Variants in AGO3 observed in about 807,000 individuals in gnomAD.
AGO3 encodes argonaute RISC catalytic component 3.
AGO3 carries 16 observed loss-of-function variants against 105.5 expected under a neutral mutation model. The observed-to-expected ratio is 0.15, with a 90% confidence interval of 0.10 to 0.23. The LOEUF is 0.23. Ranked by LOEUF, AGO3 falls within the 10% of genes least tolerant of loss-of-function variation. The pLI is 1.00. For synonymous variants in AGO3, 340 were observed against 367.3 expected (o/e 0.93, Z 0.85); for missense variants, 534 against 1,088.0 (o/e 0.49, Z 7.16).
At position 35,971,765 on chromosome 1, in the gene AGO3, A is replaced by G. The variant is rs1044021631; in HGVS notation, c.313-259A>G. ...GGAAATTTATTCCATGGCAGTTTCA[A>G]GAGATTTTCCTCATTCTTTTTTCAT... On this transcript the variant is annotated intron_variant, in intron 3 of 18. Coordinates refer to ENST00000373191, the MANE Select transcript of AGO3 (RefSeq NM_024852.4). Among the ~76,000 whole-genome samples, 23 of 152,146 alleles carry G rather than the reference A, an allele frequency of 1.5e-4. No homozygotes were observed. Among genetic ancestry groups the G allele is most frequent in the Non-Finnish European group, 5.9e-5 (4 of 68,026 alleles).
At chr1:36,024,459 C>T (rs1018122588) in intron 11 of AGO3, among the ~76,000 whole-genome samples, 1 of 152,030 alleles carries the variant, frequency 6.6e-6, no homozygotes, top group African/African-American at 2.4e-5. Flanking sequence ...ATCCTCCTCT[C>T]TTGCCTTCTG....
At chr1:36,010,181 C>T (rs1329625045) in intron 9 of AGO3, among the ~76,000 whole-genome samples, 1 of 151,808 alleles carries the variant, frequency 6.6e-6, no homozygotes, top group Non-Finnish European at 1.5e-5. Flanking sequence ...CTTTGTGATC[C>T]GCCCGCCTCG....
At chr1:35,978,442 T>G (rs1469338552) in intron 5 of AGO3, among the ~76,000 whole-genome samples, 2 of 152,188 alleles carry the variant, frequency 1.3e-5, no homozygotes, top group East Asian at 3.8e-4. Flanking sequence ...TCCGCCTCCC[T>G]CCGCCTTCCC....
At chr1:35,979,207 A>G (rs910256076) in intron 5 of AGO3, among the ~76,000 whole-genome samples, 3 of 152,250 alleles carry the variant, frequency 2.0e-5, no homozygotes, top group Non-Finnish European at 2.9e-5. Context: ...TACTAAAAAT[A>G]CAAAAAATTA....
chr1:35,995,936 C>T (rs144194835), intron 5 of AGO3, among the ~76,000 whole-genome samples: 1,869 of 152,238 alleles, frequency 0.012, 36 homozygotes, highest in African/African-American at 0.043. Flanking sequence ...ACCTAGGCCT[C>T]CCAAAGTGCT....
chr1:36,051,563 TA>T (rs1282754383), intron 17 of AGO3, among the ~76,000 whole-genome samples: 1 of 151,166 alleles, frequency 6.6e-6, no homozygotes, highest in Non-Finnish European at 1.5e-5. Context: ...CTACAAAAAA[TA>T]AAAAAATTAG....
intron 4 of AGO3, among the ~76,000 whole-genome samples, chr1:35,973,004 T>G (rs181852439): frequency 2.0e-4 from 29 of 148,346 alleles, no homozygotes; most frequent in Admixed American, 2.0e-4. Flanking sequence ...ACTCAGTATG[T>G]TTTTTTTTAA....
At chr1:36,003,707 A>ATAT (rs1194799778) in intron 5 of AGO3, among the ~76,000 whole-genome samples, 14 of 120,250 alleles carry the variant, frequency 1.2e-4, no homozygotes, top group Middle Eastern at 4.2e-3. Context: ...AAAAAAAAAA[A>ATAT]AAATATATAT....
rs1335602385 is a variant in AGO3, at chr1:36,057,810, C to G, written c.*2065C>G. The G allele has an allele frequency of 6.6e-6, 1 of 152,140 alleles. No homozygotes were observed. The highest frequency in any genetic ancestry group is 6.6e-5 in the Admixed American group (1 of 15,252). 9.4% of individuals were successfully genotyped at this position (152,140 alleles called of 1,614,324 possible). ...TGGCCAACGTGGTGAAACCCCGTCT[C>G]TACTAAAAATACAAAAATTAGCTGG... On this transcript the variant is annotated 3_prime_UTR_variant, in exon 19 of 19. Transcript: ENST00000373191.
At chr1:36,012,774 A>C (rs1230088278) in intron 9 of AGO3, among the ~76,000 whole-genome samples, 1 of 152,132 alleles carries the variant, frequency 6.6e-6, no homozygotes, top group African/African-American at 2.4e-5. Context: ...TACAAAATTA[A>C]CATTTTCAGC....
chr1:36,008,555 T>TA lies in AGO3; in HGVS notation c.794-135_794-134insA. On this transcript the variant is annotated intron_variant, in intron 6 of 18. Transcript: ENST00000373191. The surrounding 1 kb of genome is among the most constrained non-coding windows in gnomAD (Gnocchi z 5.1). Reference sequence around the variant, plus strand: ...CAATGTTATATGTAAAATCTGGTGTTTATATCATCTTGCCTGTATCACAGA... The same window carrying TA: ...CAATGTTATATGTAAAATCTGGTGTTATATATCATCTTGCCTGTATCACAGA... 1 of 747,156 alleles carries TA rather than the reference T, an allele frequency of 1.3e-6. No individual in the cohort carries two copies. Among genetic ancestry groups the TA allele is most frequent in the Non-Finnish European group, 2.1e-6 (1 of 465,160 alleles). 46.3% of individuals were successfully genotyped at this position (747,156 alleles called of 1,614,324 possible).
chr1:35,952,133 TTTCTTTCTTTCTTTC>T (rs1215414975), intron 2 of AGO3, among the ~76,000 whole-genome samples: 24 of 115,160 alleles, frequency 2.1e-4, no homozygotes, highest in Admixed American at 3.0e-4. Context: ...TCTTTCTTTC[TTTCTTTCTTTCTTTC>T]TTTTTTTTTT....
rs1456389700 is a variant in AGO3 at position 36,055,786 on chromosome 1, G to T, written c.*41G>T. On this transcript the variant is annotated 3_prime_UTR_variant, in exon 19 of 19. Coordinates refer to ENST00000373191, the MANE Select transcript of AGO3 (RefSeq NM_024852.4). The surrounding 1 kb of genome is among the most constrained non-coding windows in gnomAD (Gnocchi z 4.4). The stretch of plus-strand genomic sequence containing the variant: ...TCTCTGAGAGGAAGTACTGAAAGAT[G>T]AATTGACATACAACGTATGTTTCCA... 8 of 1,594,000 alleles carry T rather than the reference G, an allele frequency of 5.0e-6. No individual in the cohort carries two copies. In the East Asian group the frequency reaches 1.3e-4, roughly 27 times the overall value.
chr1:36,035,890 G>A (rs1259646295), intron 13 of AGO3, among the ~76,000 whole-genome samples: 2 of 152,014 alleles, frequency 1.3e-5, no homozygotes, highest in Non-Finnish European at 1.5e-5. Flanking sequence ...AAAATTAGCC[G>A]GGTGTGGTGG....
chr1:36,017,639 A>C (rs1640973714), intron 11 of AGO3, among the ~76,000 whole-genome samples: 1 of 152,082 alleles, frequency 6.6e-6, no homozygotes, highest in African/African-American at 2.4e-5. Context: ...AGTGGCTCAC[A>C]CCTGTAATCT....
At chr1:35,933,840 C>T (rs918348420) in intron 1 of AGO3, among the ~76,000 whole-genome samples, 3 of 151,552 alleles carry the variant, frequency 2.0e-5, no homozygotes, top group Non-Finnish European at 4.4e-5. Context: ...TCTAGTTGCT[C>T]GGTGGATACA....
At chr1:36,045,074 T>C (rs1426985472) in intron 17 of AGO3, among the ~76,000 whole-genome samples, 1 of 152,206 alleles carries the variant, frequency 6.6e-6, no homozygotes, top group East Asian at 1.9e-4. Context: ...TCCATGTTCT[T>C]ATATCAGCTC....
intron 1 of AGO3, among the ~76,000 whole-genome samples, chr1:35,933,168 A>G (rs1557637582): frequency 6.6e-6 from 1 of 152,174 alleles, no homozygotes; most frequent in Non-Finnish European, 1.5e-5. Flanking sequence ...GGTCTCTTGA[A>G]AAGTAAAGTT....
chr1:35,968,903 GT>G (rs112508712), intron 3 of AGO3, among the ~76,000 whole-genome samples: 29 of 143,682 alleles, frequency 2.0e-4, no homozygotes, highest in East Asian at 4.0e-4. Flanking sequence ...TTTCTGTTTT[GT>G]TTTTTTTTTT....
Sources: allele counts gnomAD v4.1 joint callset (sites outside exome capture counted in the v4.1 genomes callset), GRCh38; gene constraint gnomAD v4.1.1; non-coding constraint Gnocchi (gnomAD v3.1); transcripts MANE v1.5; gene names NCBI Gene and HGNC (gene_info 2026-07-23, HGNC 2026-07-21).